The following RUNDC3B variants were observed in gnomAD, a reference collection of about 807,000 sequenced individuals.
RUNDC3B encodes RUN domain containing 3B.
In RUNDC3B, 33 loss-of-function variants were observed where a neutral mutation model predicts 58.4. That is an observed-to-expected ratio of 0.56 (90% CI 0.43 to 0.75). The LOEUF (loss-of-function observed/expected upper bound fraction) is 0.75, where lower values mean the gene tolerates loss of function less well. Ranked by LOEUF, RUNDC3B falls within the 30% of genes least tolerant of loss-of-function variation. The probability of loss-of-function intolerance (pLI) is 0.00; values close to 1 mark genes in which losing one functional copy is unlikely to be tolerated. For missense variants in RUNDC3B, 501 were observed against 535.7 expected, an observed-to-expected ratio of 0.94 and a Z score of 0.64; for synonymous variants, 193 against 195.2, an observed-to-expected ratio of 0.99 and a Z score of 0.10.
intron 2 of RUNDC3B, among the ~76,000 whole-genome samples, chr7:87,668,267 T>C (rs1029502529): frequency 2.0e-5 from 3 of 152,128 alleles, no homozygotes; most frequent in Non-Finnish European, 4.4e-5. Context: ...TTCTAGTTTG[T>C]GTATGTAGAG....
At chr7:87,733,756 T>C (rs1831746534) in intron 4 of RUNDC3B, among the ~76,000 whole-genome samples, 1 of 152,184 alleles carries the variant, frequency 6.6e-6, no homozygotes, top group African/African-American at 2.4e-5. Flanking sequence ...TTCTTACTCC[T>C]GTGAGAATCT....
At chr7:87,753,073 G>A (rs1478313488) in intron 6 of RUNDC3B, among the ~76,000 whole-genome samples, 1 of 152,052 alleles carries the variant, frequency 6.6e-6, no homozygotes, top group East Asian at 1.9e-4. Flanking sequence ...CTGGTATGTT[G>A]TGTCTGTTCT....
At chr7:87,710,457 T>C in intron 3 of RUNDC3B, 113 bp from the exon 4 acceptor site, 1 of 637,490 alleles carries the variant, frequency 1.6e-6, no homozygotes, top group South Asian at 2.0e-5. Flanking sequence ...TTAGTCGTTA[T>C]CAAATGTATA....
intron 4 of RUNDC3B, among the ~76,000 whole-genome samples, chr7:87,711,932 A>G (rs1830127085): frequency 6.6e-6 from 1 of 152,212 alleles, no homozygotes; most frequent in Non-Finnish European, 1.5e-5. Context: ...AGAAAAAAAT[A>G]AGCACAAAGA....
intron 7 of RUNDC3B, among the ~76,000 whole-genome samples, chr7:87,776,622 A>G (rs896233917): frequency 6.6e-6 from 1 of 152,046 alleles, no homozygotes; most frequent in Non-Finnish European, 1.5e-5. Flanking sequence ...GGTGGTGGAT[A>G]TGTGAGTATT....
intron 8 of RUNDC3B, among the ~76,000 whole-genome samples, chr7:87,805,496 G>A (rs1283636900): frequency 6.6e-6 from 1 of 152,108 alleles, no homozygotes; most frequent in African/African-American, 2.4e-5. Flanking sequence ...GCTGCTCATA[G>A]AAAACATCAT....
At chr7:87,768,637 G>A (rs1445499455) in intron 6 of RUNDC3B, among the ~76,000 whole-genome samples, 4 of 152,208 alleles carry the variant, frequency 2.6e-5, no homozygotes, top group African/African-American at 4.8e-5. Flanking sequence ...CTTCTCAGCA[G>A]TTTGTCACAT....
At chr7:87,756,691 CTTCT>C (rs778952915) in intron 6 of RUNDC3B, among the ~76,000 whole-genome samples, 1 of 151,854 alleles carries the variant, frequency 6.6e-6, no homozygotes, top group Non-Finnish European at 1.5e-5. Context: ...TTAAGATATA[CTTCT>C]TTGTTTTACA....
chr7:87,816,169 T>C lies in RUNDC3B; in HGVS notation c.1132T>C (p.Ser378Pro). Residue 378 changes from serine (S) to proline (P), a missense_variant, in exon 10 of 11, where the codon TCA (serine) becomes CCA (proline). Transcript: ENST00000394654. ...AAGTTATCAAAGTCTTGACCAGTTA[T>C]CAGCAGAAGTTAGCCTTTCTCAGAC... ...EKSYQSLDQLSAEVSLSQTSL... is the reference protein window; with the variant it reads ...EKSYQSLDQLPAEVSLSQTSL... 1.9e-6 allele frequency: 3 copies of C among 1,609,336 alleles called. No homozygotes were observed. Among genetic ancestry groups the C allele is most frequent in the East Asian group, 2.2e-5 (1 of 44,800 alleles).
chr7:87,664,665 A>G lies in RUNDC3B; in HGVS notation c.238+13728A>G, dbSNP rs556990732. 7.9e-5 allele frequency among the ~76,000 whole-genome samples: 12 copies of G among 152,292 alleles called. No homozygotes were observed. The East Asian group carries it at 2.3e-3, about 29-fold the overall frequency. On this transcript the variant is annotated intron_variant, in intron 2 of 10. Coordinates refer to ENST00000394654, the MANE Select transcript of RUNDC3B (RefSeq NM_001134405.2). The stretch of plus-strand genomic sequence containing the variant: ...CAGAATGGAGATGATAGAGGTGCGT[A>G]TATGAATTTCAAAGTAAATCAATAG...
In RUNDC3B at chr7:87,628,816, A is replaced by C. The variant is rs1033291762; in HGVS notation, c.-8A>C. 1.4e-5 allele frequency: 17 copies of C among 1,240,724 alleles called. No homozygotes were observed. The African/African-American group carries it at 2.6e-4, about 19-fold the overall frequency. 76.9% of individuals were successfully genotyped at this position (1,240,724 alleles called of 1,614,324 possible). On this transcript the variant is annotated 5_prime_UTR_variant, in exon 1 of 11. Transcript: ENST00000394654. Reference sequence around the variant, plus strand: ...ACGAGACAAAAGGGGCACGGGGGTAAGCCCGCCATGGCCTCCCGGAGCCTG... The same window carrying C: ...ACGAGACAAAAGGGGCACGGGGGTACGCCCGCCATGGCCTCCCGGAGCCTG...
intron 1 of RUNDC3B, 57 bp from the exon 2 acceptor site, chr7:87,650,765 C>A: frequency 9.5e-7 from 1 of 1,053,130 alleles, no homozygotes; most frequent in South Asian, 1.3e-5. Context: ...CCATTTTTTT[C>A]ATACTTAGGG....
intron 2 of RUNDC3B, among the ~76,000 whole-genome samples, chr7:87,682,366 A>C (rs777316293): frequency 6.6e-6 from 1 of 152,202 alleles, no homozygotes; most frequent in Non-Finnish European, 1.5e-5. Context: ...GTTCTTGACG[A>C]ATCTTTTCCA....
chr7:87,697,823 C>A (rs1563142105), intron 2 of RUNDC3B, among the ~76,000 whole-genome samples: 1 of 152,110 alleles, frequency 6.6e-6, no homozygotes, highest in Non-Finnish European at 1.5e-5. Flanking sequence ...GAACCTAAGT[C>A]ATTTTTTCAA....
chr7:87,741,188 G>A (rs1436777911), intron 5 of RUNDC3B, among the ~76,000 whole-genome samples: 5 of 149,906 alleles, frequency 3.3e-5, no homozygotes, highest in African/African-American at 1.2e-4. Context: ...CTGGGTGACA[G>A]AGCAAGACTC....
chr7:87,720,542 A>ATGTGTGTGTGTG (rs3028189), intron 4 of RUNDC3B, among the ~76,000 whole-genome samples: 132 of 145,258 alleles, frequency 9.1e-4, no homozygotes, highest in East Asian at 4.1e-3. Flanking sequence ...GATAGGATAT[A>ATGTGTGTGTGTG]TGTGTGTGTG....
At chr7:87,733,180 T>C (rs1159593805) in intron 4 of RUNDC3B, among the ~76,000 whole-genome samples, 2 of 152,134 alleles carry the variant, frequency 1.3e-5, no homozygotes, top group African/African-American at 2.4e-5. Context: ...TCGCATTCCA[T>C]TCCTAGAGCT....
intron 8 of RUNDC3B, among the ~76,000 whole-genome samples, chr7:87,780,356 A>G (rs1333934414): frequency 6.6e-6 from 1 of 151,940 alleles, no homozygotes; most frequent in Non-Finnish European, 1.5e-5. Context: ...GCATTTGTCT[A>G]ATTATTGTGT....
chr7:87,788,012 T>C (rs1297964185), intron 8 of RUNDC3B, among the ~76,000 whole-genome samples: 2 of 152,206 alleles, frequency 1.3e-5, no homozygotes, highest in Admixed American at 6.5e-5. Context: ...GTAAGACATA[T>C]GTGTTTGCTT....
Sources: allele counts gnomAD v4.1 joint callset (sites outside exome capture counted in the v4.1 genomes callset), GRCh38; gene constraint gnomAD v4.1.1; transcripts MANE v1.5; gene names NCBI Gene and HGNC (gene_info 2026-07-23, HGNC 2026-07-21).